The following RPS6KA3 variants were observed in gnomAD, a reference collection of about 807,000 sequenced individuals.
RPS6KA3 encodes ribosomal protein S6 kinase alpha-3.
A neutral mutation model predicts 67.2 loss-of-function variants in RPS6KA3; 4 were observed. The ratio of observed to expected loss-of-function variants is 0.06; its 90% CI spans 0.03 to 0.14. The LOEUF is 0.14. Among genes scored for constraint, RPS6KA3 ranks in the 10% least tolerant of loss-of-function variants. The pLI, the probability that RPS6KA3 is intolerant of heterozygous loss-of-function variation, is 1.00. For synonymous variants in RPS6KA3, 182 were observed against 183.7 expected (o/e 0.99, Z 0.07); for missense variants, 204 against 559.0 (o/e 0.36, Z 6.40).
chrX:20,264,490 C>A lies in RPS6KA3; in HGVS notation c.69+2074G>T, dbSNP rs1233132227. ...ATCCACCTGGCTTTGAATTATGGCTCTGCCATTTACTATTTATCATCTTTG... is the reference window on the plus strand; with the variant it reads ...ATCCACCTGGCTTTGAATTATGGCTATGCCATTTACTATTTATCATCTTTG... On this transcript the variant is annotated intron_variant, in intron 1 of 21. Transcript: ENST00000379565. Among the ~76,000 whole-genome samples the A allele has an allele frequency of 3.6e-5, 4 of 112,258 alleles. No individual in the cohort carries two copies. The East Asian group carries it at 1.1e-3, about 31-fold the overall frequency.
At chrX:20,266,978 C>G (rs2070416157), upstream of RPS6KA3, 9 of 749,998 alleles carry the variant, frequency 1.2e-5, no homozygotes, top group South Asian at 6.1e-4. Flanking sequence ...CCGCTCCCAG[C>G]AGAACAGCGA....
intron 17 of RPS6KA3, among the ~76,000 whole-genome samples, chrX:20,166,289 C>G (rs957499354): frequency 1.8e-5 from 2 of 111,935 alleles, no homozygotes; most frequent in Non-Finnish European, 3.8e-5. Context: ...CTTCTCCAGA[C>G]TATTTTAATA....
intron 1 of RPS6KA3, among the ~76,000 whole-genome samples, chrX:20,255,088 G>A (rs762566498): frequency 5.3e-5 from 6 of 112,262 alleles, no homozygotes; most frequent in Non-Finnish European, 9.4e-5. Flanking sequence ...AATTTCCAAC[G>A]TCCATCAACT....
rs1239663036 is a variant in RPS6KA3, at chrX:20,192,597, T to C, written c.593+890A>G. Among the ~76,000 whole-genome samples the C allele has an allele frequency of 4.4e-3, 386 of 88,003 alleles. 1 individual carries two copies. Among genetic ancestry groups the C allele is most frequent in the Non-Finnish European group, 5.5e-3 (247 of 45,057 alleles). The allele number at this position is 88,003 out of a possible 115,157, so 76.4% of individuals were successfully genotyped here. On this transcript the variant is annotated intron_variant, in intron 7 of 21. Coordinates refer to ENST00000379565, the MANE Select transcript of RPS6KA3 (RefSeq NM_004586.3). The stretch of plus-strand genomic sequence containing the variant: ...TGGAAAAAAATGTAAATTTTCTTTT[T>C]TTTTTTTTTTTTTTTTTTTTGAGAC...
At chrX:20,211,893 A>AT (rs1368446640) in intron 2 of RPS6KA3, among the ~76,000 whole-genome samples, 6 of 112,318 alleles carry the variant, frequency 5.3e-5, no homozygotes, top group Non-Finnish European at 9.4e-5. Flanking sequence ...GTAATGTTAT[A>AT]TATTTTTTAC....
chrX:20,177,211 G>C (rs2067720638), intron 10 of RPS6KA3, 127 bp from the exon 11 acceptor site: 3 of 509,060 alleles, frequency 5.9e-6, no homozygotes, highest in Non-Finnish European at 1.0e-5. Context: ...ATAATACAGA[G>C]AGATCCCCTG....
chrX:20,237,198 C>T (rs2069433922), intron 1 of RPS6KA3, among the ~76,000 whole-genome samples: 1 of 111,283 alleles, frequency 9.0e-6, no homozygotes, highest in Non-Finnish European at 1.9e-5. Flanking sequence ...CCAATCTGCT[C>T]CCTCTCCTAT....
At chrX:20,157,412 A>C (rs1211347291) in intron 20 of RPS6KA3, among the ~76,000 whole-genome samples, 1 of 105,323 alleles carries the variant, frequency 9.5e-6, no homozygotes, top group African/African-American at 3.5e-5. Flanking sequence ...GCTGAGGCAG[A>C]GATCATTTGA....
chrX:20,207,349 C>T (rs1248471417), intron 3 of RPS6KA3, among the ~76,000 whole-genome samples: 1 of 111,810 alleles, frequency 8.9e-6, no homozygotes, highest in Non-Finnish European at 1.9e-5. Context: ...TGAAATAGAA[C>T]AGTTTGAGGC....
chrX:20,185,646 G>C lies in RPS6KA3; in HGVS notation c.845+650C>G, dbSNP rs762195094. 1.1e-4 allele frequency among the ~76,000 whole-genome samples: 12 copies of C among 111,695 alleles called. No individual in the cohort carries two copies. The Admixed American group carries it at 1.1e-3, about 11-fold the overall frequency. The stretch of plus-strand genomic sequence containing the variant: ...GATACAGTCATGTTATCTAAATAAT[G>C]ATAATTTTATTTCTTCTTTTTAAAC... On this transcript the variant is annotated intron_variant, in intron 10 of 21. Coordinates refer to ENST00000379565, the MANE Select transcript of RPS6KA3 (RefSeq NM_004586.3).
intron 2 of RPS6KA3, among the ~76,000 whole-genome samples, chrX:20,221,263 C>A (rs1414139776): frequency 5.4e-5 from 6 of 111,682 alleles, no homozygotes; most frequent in Non-Finnish European, 1.1e-4. Flanking sequence ...TGGTTGTGCA[C>A]ATGAAACTAG....
intron 15 of RPS6KA3, among the ~76,000 whole-genome samples, chrX:20,172,396 A>T (rs192211164): frequency 8.9e-6 from 1 of 112,098 alleles, no homozygotes; most frequent in East Asian, 2.8e-4. Flanking sequence ...GCCAGAGAAG[A>T]TGTAAACATA....
At chrX:20,204,496 C>T (rs1010545649) in intron 3 of RPS6KA3, among the ~76,000 whole-genome samples, 13 of 112,367 alleles carry the variant, frequency 1.2e-4, no homozygotes, top group Admixed American at 6.6e-4. Context: ...TGTTATACGG[C>T]GGTTCCTTCT....
At chrX:20,167,486 G>A in intron 17 of RPS6KA3, 103 bp downstream of exon 17, 1 of 783,708 alleles carries the variant, frequency 1.3e-6, no homozygotes, top group Non-Finnish European at 2.0e-6. Flanking sequence ...GCTAATAGCA[G>A]TTATTTTCCA....
Position 20,188,484 on chromosome X carries a change from A to ATT in RPS6KA3, c.631+11_631+12dup. 1.4e-5 allele frequency: 13 copies of ATT among 897,658 alleles called. No individual in the cohort carries two copies. The highest frequency in any genetic ancestry group is 1.9e-5 in the Non-Finnish European group (12 of 631,326). The allele number at this position is 897,658 out of a possible 1,213,427, so 74.0% of individuals were successfully genotyped here. ...GAGAAAATATTTTAATAAAACGAGGATTTTTTTTTTACCTGTTAACTTGAT... is the reference window on the plus strand; with the variant it reads ...GAGAAAATATTTTAATAAAACGAGGATTTTTTTTTTTTACCTGTTAACTTGAT... On this transcript the variant is annotated intron_variant, in intron 8 of 21. Transcript: ENST00000379565.
intron 1 of RPS6KA3, among the ~76,000 whole-genome samples, chrX:20,246,822 G>A (rs1362915916): frequency 1.8e-5 from 2 of 111,835 alleles, no homozygotes; most frequent in African/African-American, 6.5e-5. Context: ...ACGATACAAT[G>A]GTACTTGCTC....
intron 10 of RPS6KA3, among the ~76,000 whole-genome samples, chrX:20,183,626 C>T (rs1273056243): frequency 8.9e-6 from 1 of 112,108 alleles, no homozygotes; most frequent in Non-Finnish European, 1.9e-5. Flanking sequence ...CTACTTTCCA[C>T]ACTTGTTTCA....
intron 1 of RPS6KA3, among the ~76,000 whole-genome samples, chrX:20,248,319 T>C (rs2069758584): frequency 8.9e-6 from 1 of 112,258 alleles, no homozygotes; most frequent in Non-Finnish European, 1.9e-5. Flanking sequence ...ATAGCAGGCA[T>C]AGTTTTAATG....
chrX:20,228,707 C>T (rs978974774), intron 2 of RPS6KA3, among the ~76,000 whole-genome samples: 1 of 111,238 alleles, frequency 9.0e-6, no homozygotes, highest in East Asian at 2.8e-4. Flanking sequence ...GCTCTGGGGG[C>T]CTTGAATAAG....
Sources: gnomAD v4.1 joint callset for allele counts (sites outside exome capture counted in the v4.1 genomes callset) on GRCh38, gnomAD v4.1.1 for gene constraint, MANE v1.5 for transcripts, NCBI Gene and HGNC (gene_info 2026-07-23, HGNC 2026-07-21) for gene names.